GRIK2: variants seen among roughly 807,000 people sequenced by gnomAD.
GRIK2 encodes the protein glutamate ionotropic receptor kainate type subunit 2.
A neutral mutation model predicts 100.3 loss-of-function variants in GRIK2; 32 were observed. The observed-to-expected ratio is 0.32, with a 90% CI of 0.24 to 0.43. GRIK2 has a LOEUF of 0.43. Ranked by LOEUF, GRIK2 falls within the 20% of genes least tolerant of loss-of-function variation. GRIK2 has a pLI of 1.00. For missense variants in GRIK2, 843 were observed against 1,114.9 expected (o/e 0.76, Z 3.47); for synonymous variants, 417 against 389.4 (o/e 1.07, Z -0.83).
intron 12 of GRIK2, among the ~76,000 whole-genome samples, chr6:101,921,249 A>G (rs1369946714): frequency 1.4e-5 from 2 of 147,548 alleles, no homozygotes; most frequent in African/African-American, 2.5e-5. Flanking sequence ...AGGTGATGGT[A>G]TTAACAGAGA....
intron 5 of GRIK2, among the ~76,000 whole-genome samples, 161 bp from the exon 6 acceptor site, chr6:101,682,392 T>C (rs2128342365): frequency 6.6e-6 from 1 of 152,334 alleles, no homozygotes; most frequent in African/African-American, 2.4e-5. Context: ...ACCACTAATC[T>C]TTAACTACTG....
intron 2 of GRIK2, among the ~76,000 whole-genome samples, chr6:101,452,099 G>C (rs1191371441): frequency 6.6e-6 from 1 of 151,652 alleles, no homozygotes; most frequent in Non-Finnish European, 1.5e-5. Context: ...TCTTATGAAA[G>C]TGACACAAAG....
intron 15 of GRIK2, among the ~76,000 whole-genome samples, chr6:102,040,746 T>TAAG (rs1770520866): frequency 6.6e-6 from 1 of 151,708 alleles, no homozygotes; most frequent in East Asian, 1.9e-4. Context: ...TATGATATAA[T>TAAG]AAGTACTGAA....
intron 10 of GRIK2, among the ~76,000 whole-genome samples, chr6:101,845,096 C>T (rs924450234): frequency 6.6e-6 from 1 of 152,046 alleles, no homozygotes; most frequent in African/African-American, 2.4e-5. Context: ...TCATAGCTGA[C>T]TGCAACCTCC....
At chr6:101,717,087 C>G (rs1459304131) in intron 7 of GRIK2, among the ~76,000 whole-genome samples, 3 of 151,746 alleles carry the variant, frequency 2.0e-5, no homozygotes, top group Non-Finnish European at 4.4e-5. Flanking sequence ...AATTAAGTAG[C>G]TTTGTGAAGG....
At chr6:101,825,499 A>C (rs1261042082) in intron 10 of GRIK2, among the ~76,000 whole-genome samples, 1 of 152,122 alleles carries the variant, frequency 6.6e-6, no homozygotes, top group Non-Finnish European at 1.5e-5. Flanking sequence ...CTTAATTTCT[A>C]AAGCCTTCTA....
At chr6:101,865,807 T>A (rs1785016238) in intron 11 of GRIK2, among the ~76,000 whole-genome samples, 1 of 151,116 alleles carries the variant, frequency 6.6e-6, no homozygotes, top group East Asian at 2.0e-4. Flanking sequence ...AAGAATCACT[T>A]GAACTTGGGA....
chr6:101,732,799 C>T (rs192316534), intron 7 of GRIK2, among the ~76,000 whole-genome samples: 62 of 152,154 alleles, frequency 4.1e-4, no homozygotes, highest in African/African-American at 1.4e-3. Flanking sequence ...TCTGCTTGAT[C>T]TGCCCTATGC....
chr6:101,453,779 C>T (rs1003230015), intron 2 of GRIK2, among the ~76,000 whole-genome samples: 1 of 151,886 alleles, frequency 6.6e-6, no homozygotes, highest in Admixed American at 6.6e-5. Flanking sequence ...TATGTCTGTA[C>T]CGTGATTTTG....
chr6:102,040,035 T>TA (rs1163341358), intron 15 of GRIK2, among the ~76,000 whole-genome samples: 1 of 151,506 alleles, frequency 6.6e-6, no homozygotes, highest in African/African-American at 2.4e-5. Flanking sequence ...CTTGTGGGAT[T>TA]AAATCAATAG....
chr6:101,647,982 T>C (rs2128327215), intron 4 of GRIK2, among the ~76,000 whole-genome samples: 1 of 152,100 alleles, frequency 6.6e-6, no homozygotes, highest in South Asian at 2.1e-4. Flanking sequence ...TCCCTAACCT[T>C]TACCCAGTAG....
chr6:101,563,395 TTAA>T (rs1476616908), intron 2 of GRIK2, among the ~76,000 whole-genome samples: 2 of 152,220 alleles, frequency 1.3e-5, no homozygotes, highest in African/African-American at 4.8e-5. Context: ...AAAAAACATC[TTAA>T]TAATTCGATT....
chr6:101,985,163 A>T (rs1290896131), intron 14 of GRIK2, among the ~76,000 whole-genome samples: 1 of 151,782 alleles, frequency 6.6e-6, no homozygotes. Flanking sequence ...ACTTCATACC[A>T]TTCCCTCAAG....
chr6:101,612,184 G>A (rs1176041157), intron 2 of GRIK2, among the ~76,000 whole-genome samples: 2 of 151,820 alleles, frequency 1.3e-5, no homozygotes, highest in Admixed American at 6.6e-5. Flanking sequence ...CCTGTTTCAC[G>A]GTCTTGCTAA....
chr6:101,526,401 T>C (rs1341637664), intron 2 of GRIK2, among the ~76,000 whole-genome samples: 1 of 152,206 alleles, frequency 6.6e-6, no homozygotes, highest in African/African-American at 2.4e-5. Flanking sequence ...ATGCATTTGC[T>C]TATTTTTTAA....
intron 7 of GRIK2, among the ~76,000 whole-genome samples, chr6:101,787,861 A>T (rs1779540185): frequency 6.6e-6 from 1 of 152,076 alleles, no homozygotes; most frequent in Non-Finnish European, 1.5e-5. Flanking sequence ...TTGATTTTCT[A>T]CCTAGATGAG....
chr6:101,416,395 C>A (rs1390015398), intron 2 of GRIK2, among the ~76,000 whole-genome samples: 1 of 152,148 alleles, frequency 6.6e-6, no homozygotes, highest in Non-Finnish European at 1.5e-5. Flanking sequence ...GATGTCTCCT[C>A]AGTGTCAGTA....
chr6:101,794,193 C>T (rs1010228689), intron 7 of GRIK2, among the ~76,000 whole-genome samples: 4 of 152,162 alleles, frequency 2.6e-5, no homozygotes, highest in Non-Finnish European at 5.9e-5. Flanking sequence ...CCTGCTTCGG[C>T]TCGCGCACAG....
chr6:101,477,393 C>T (rs1220630334), intron 2 of GRIK2, among the ~76,000 whole-genome samples: 1 of 152,152 alleles, frequency 6.6e-6, no homozygotes. Flanking sequence ...CCCACAATGG[C>T]CCTTCTTGAG....
Sources: allele counts gnomAD v4.1 joint callset (sites outside exome capture counted in the v4.1 genomes callset), GRCh38; gene constraint gnomAD v4.1.1; transcripts MANE v1.5; gene names NCBI Gene and HGNC (gene_info 2026-07-23, HGNC 2026-07-21).